PRH1: variants seen among roughly 807,000 people sequenced by gnomAD.
PRH1 encodes salivary acidic proline-rich phosphoprotein 1/2.
PRH1 carries 7 observed loss-of-function variants against 7.9 expected under a neutral mutation model. The observed-to-expected ratio is 0.89, with a 90% CI of 0.50 to 1.67. The LOEUF (loss-of-function observed/expected upper bound fraction) is 1.67, where lower values mean the gene tolerates loss of function less well. Ranked by LOEUF, PRH1 falls within the 40% of genes most tolerant of loss-of-function variation. The pLI is 0.00. For synonymous variants in PRH1, 45 were observed against 80.8 expected, an observed-to-expected ratio of 0.56 and a Z score of 2.38; for missense variants, 109 against 223.6, an observed-to-expected ratio of 0.49 and a Z score of 3.27.
intron 1 of PRH1, among the ~76,000 whole-genome samples, chr12:11,060,474 G>A (rs1231558219): frequency 2.0e-5 from 3 of 151,662 alleles, no homozygotes; most frequent in Non-Finnish European, 2.9e-5. Context: ...CAATTCAGGG[G>A]CTTAAAAGTG....
intron 2 of PRH1, chr12:10,964,794 G>C: frequency 1.7e-6 from 1 of 590,620 alleles, no homozygotes. Flanking sequence ...AGAGTAAAGG[G>C]TATTAAGTTT....
chr12:10,911,850 T>C (rs984199819), intron 2 of PRH1, among the ~76,000 whole-genome samples: 1 of 152,202 alleles, frequency 6.6e-6, no homozygotes. Context: ...AAGAGAACTT[T>C]GTAAACCCCA....
intron 2 of PRH1, among the ~76,000 whole-genome samples, chr12:10,904,030 A>C (rs1420544821): frequency 6.6e-6 from 1 of 151,692 alleles, no homozygotes; most frequent in Non-Finnish European, 1.5e-5. Context: ...AGATGACACA[A>C]ACAAATGGAA....
chr12:11,053,117 C>A (rs1943222055), intron 1 of PRH1, among the ~76,000 whole-genome samples: 1 of 152,274 alleles, frequency 6.6e-6, no homozygotes, highest in Non-Finnish European at 1.5e-5. Context: ...GTCCCCACCA[C>A]AAACTCTGCT....
intron 2 of PRH1, chr12:10,929,387 C>T (rs372106068): frequency 4.2e-5 from 67 of 1,607,220 alleles, no homozygotes; most frequent in Admixed American, 1.0e-4. Flanking sequence ...GGTTTACGGG[C>T]GAATGCTATA....
At chr12:11,156,481 A>C (rs1947252186) in intron 1 of PRH1, among the ~76,000 whole-genome samples, 1 of 152,188 alleles carries the variant, frequency 6.6e-6, no homozygotes, top group Admixed American at 6.5e-5. Flanking sequence ...AAGTATGTTA[A>C]GCCTTTCTGA....
At chr12:10,972,932 AC>A (rs545868427) in intron 2 of PRH1, among the ~76,000 whole-genome samples, 5 of 79,070 alleles carry the variant, frequency 6.3e-5, no homozygotes, top group South Asian at 5.0e-4. Flanking sequence ...ACCACAACCC[AC>A]CCCCCCCGCC....
At chr12:11,137,143 A>T (rs572158527) in intron 1 of PRH1, among the ~76,000 whole-genome samples, 1 of 152,260 alleles carries the variant, frequency 6.6e-6, no homozygotes, top group East Asian at 1.9e-4. Context: ...GCAGCACTAG[A>T]TCTCAAAATG....
chr12:10,923,535 T>A (rs530201639), intron 2 of PRH1, among the ~76,000 whole-genome samples: 1 of 152,240 alleles, frequency 6.6e-6, no homozygotes, highest in African/African-American at 2.4e-5. Flanking sequence ...CAGTTAAATA[T>A]GACAAATATA....
chr12:11,020,034 C>G (rs1164625910), intron 1 of PRH1, among the ~76,000 whole-genome samples: 2 of 152,272 alleles, frequency 1.3e-5, no homozygotes, highest in Non-Finnish European at 2.9e-5. Flanking sequence ...ATAGCTGCAT[C>G]AAAGCTATAT....
At chr12:11,075,032 C>T (rs1360381770) in intron 1 of PRH1, among the ~76,000 whole-genome samples, 23 of 144,140 alleles carry the variant, frequency 1.6e-4, no homozygotes, top group Non-Finnish European at 2.9e-4. Context: ...CCACATTTAC[C>T]CCTCATTGCT....
At chr12:11,048,173 G>GATAA (rs1942982743), upstream of PRH1, among the ~76,000 whole-genome samples, 1 of 118,416 alleles carries the variant, frequency 8.4e-6, no homozygotes, top group African/African-American at 2.8e-5. Flanking sequence ...TAGATAGATA[G>GATAA]ATAGATAGAT....
chr12:11,131,231 C>CAG (rs2136358268), intron 1 of PRH1, among the ~76,000 whole-genome samples: 1 of 152,312 alleles, frequency 6.6e-6, no homozygotes, highest in South Asian at 2.1e-4. Context: ...CTGTGGTTTC[C>CAG]CTTTGTAGCC....
rs1432432191 is a variant in PRH1 at position 11,088,406 on chromosome 12, T to C, written n.124-41218A>G. On this transcript the variant is annotated intron_variant and non_coding_transcript_variant, in intron 1 of 4. Transcript: ENST00000541977. ...AATAATCAGGAAGTGGCAAGTTTCT[T>C]AACTATAGTAAAATACTCTAACGAT... Among the ~76,000 whole-genome samples the C allele has an allele frequency of 4.6e-5, 5 of 107,874 alleles. No homozygotes were observed. The Admixed American group carries it at 4.7e-4, about 10-fold the overall frequency. 70.8% of individuals were successfully genotyped at this position (107,874 alleles called of 152,430 possible).
intron 1 of PRH1, among the ~76,000 whole-genome samples, chr12:11,169,521 A>G (rs926405396): frequency 7.9e-5 from 12 of 152,152 alleles, no homozygotes; most frequent in Non-Finnish European, 1.5e-4. Context: ...TAAGGTTTTC[A>G]TGGAGTTACC....
chr12:11,042,631 T>C (rs1942755133), intron 1 of PRH1, among the ~76,000 whole-genome samples: 2 of 132,872 alleles, frequency 1.5e-5, no homozygotes, highest in Admixed American at 7.5e-5. Flanking sequence ...TTCTTTTTTT[T>C]TTTTTTTTTT....
chr12:10,992,710 TC>T (rs1228927644), intron 1 of PRH1, among the ~76,000 whole-genome samples: 3 of 151,996 alleles, frequency 2.0e-5, no homozygotes, highest in African/African-American at 7.2e-5. Flanking sequence ...ACCTCACCAG[TC>T]CTGGAGTATG....
At chr12:11,159,847 TG>T (rs1165920539) in intron 1 of PRH1, among the ~76,000 whole-genome samples, 1 of 152,166 alleles carries the variant, frequency 6.6e-6, no homozygotes, top group Non-Finnish European at 1.5e-5. Flanking sequence ...GAGATCTTCA[TG>T]AAAAAAATAG....
intron 2 of PRH1, among the ~76,000 whole-genome samples, chr12:10,889,378 C>G (rs1367567875): frequency 6.6e-6 from 1 of 152,010 alleles, no homozygotes; most frequent in Admixed American, 6.6e-5. Context: ...TGATAATAAC[C>G]ACTATTATTT....
Sources: gnomAD v4.1 joint callset for allele counts (sites outside exome capture counted in the v4.1 genomes callset) on GRCh38, gnomAD v4.1.1 for gene constraint, MANE v1.5 for transcripts, NCBI Gene and HGNC (gene_info 2026-07-23, HGNC 2026-07-21) for gene names.